Variants in TCF7L1 observed in about 807,000 individuals in gnomAD.
TCF7L1 encodes transcription factor 7-like 1.
In TCF7L1, 18 loss-of-function variants were observed where a neutral mutation model predicts 63.7. The ratio of observed to expected loss-of-function variants is 0.28; its 90% CI spans 0.20 to 0.42. The LOEUF is 0.42. TCF7L1 is among the 10% of genes least tolerant of loss of function. The pLI, the probability that TCF7L1 is intolerant of heterozygous loss-of-function variation, is 1.00. For synonymous variants in TCF7L1, 355 were observed against 340.9 expected, an observed-to-expected ratio of 1.04 and a Z score of -0.46; for missense variants, 654 against 779.3, an observed-to-expected ratio of 0.84 and a Z score of 1.91.
At chr2:85,197,692 G>A (rs1679189176) in intron 3 of TCF7L1, among the ~76,000 whole-genome samples, 2 of 152,304 alleles carry the variant, frequency 1.3e-5, no homozygotes, top group Admixed American at 1.3e-4. Context: ...CTGCCTTTTA[G>A]GATGCAGCAA....
chr2:85,262,278 C>T (rs909043577), intron 3 of TCF7L1: 10 of 556,792 alleles, frequency 1.8e-5, no homozygotes, highest in Non-Finnish European at 3.3e-5. Flanking sequence ...CGCATCTTCA[C>T]CTTCTGCACT....
intron 3 of TCF7L1, among the ~76,000 whole-genome samples, chr2:85,163,623 A>G (rs574788803): frequency 2.6e-5 from 4 of 152,316 alleles, no homozygotes; most frequent in Non-Finnish European, 5.9e-5. Context: ...CTGCCATAAC[A>G]AAGTACCGCA....
intron 3 of TCF7L1, among the ~76,000 whole-genome samples, chr2:85,160,014 C>G (rs1267837981): frequency 6.6e-6 from 1 of 152,212 alleles, no homozygotes. Flanking sequence ...TGTCCCATCT[C>G]CAGCCAGTGC....
intron 3 of TCF7L1, among the ~76,000 whole-genome samples, chr2:85,189,885 G>A (rs1252132611): frequency 2.0e-5 from 3 of 152,220 alleles, no homozygotes; most frequent in Admixed American, 6.5e-5. Flanking sequence ...CCCAGGGCCC[G>A]GGAGTGAGCC....
chr2:85,307,788 C>G lies in TCF7L1; in HGVS notation c.1333+71C>G, dbSNP rs150440821. ...ACAGCCACACCTGCCCATGCTGTCT[C>G]TAGCTCCCTGATGGGTCAGGGCTTC... On this transcript the variant is annotated intron_variant, in intron 11 of 11. Coordinates refer to ENST00000282111, the MANE Select transcript of TCF7L1 (RefSeq NM_031283.3). 41 of 1,417,866 alleles carry G rather than the reference C, an allele frequency of 2.9e-5. No individual in the cohort carries two copies. In the African/African-American group the frequency reaches 4.4e-4, roughly 15 times the overall value. The allele number at this position is 1,417,866 out of a possible 1,614,324, so 87.8% of individuals were successfully genotyped here.
At chr2:85,212,584 GAGGGAAGAGCCATGCTAGGC>G (rs1311851136) in intron 3 of TCF7L1, among the ~76,000 whole-genome samples, 11 of 152,208 alleles carry the variant, frequency 7.2e-5, no homozygotes, top group African/African-American at 2.4e-4. Flanking sequence ...TGAACTGCGA[GAGGGAAGAGCCATGCTAGGC>G]AGGGGGACAG....
chr2:85,210,991 G>A (rs370600228), intron 3 of TCF7L1, among the ~76,000 whole-genome samples: 13 of 152,294 alleles, frequency 8.5e-5, no homozygotes, highest in African/African-American at 3.1e-4. Context: ...AGCAAGATGG[G>A]TCTATCTCCC....
At chr2:85,272,867 C>T (rs1681183232) in intron 3 of TCF7L1, among the ~76,000 whole-genome samples, 2 of 152,206 alleles carry the variant, frequency 1.3e-5, no homozygotes, top group Admixed American at 1.3e-4. Context: ...GAACCTGCAG[C>T]CACAGGGCAG....
chr2:85,145,962 C>T (rs757185129), intron 3 of TCF7L1, among the ~76,000 whole-genome samples: 1 of 152,098 alleles, frequency 6.6e-6, no homozygotes, highest in East Asian at 1.9e-4. Context: ...CCTTCCACCT[C>T]GACCTCCCAA....
In TCF7L1 at chr2:85,134,489, C is replaced by T. The variant is rs1318684027; in HGVS notation, c.441+39C>T. 6.5e-7 allele frequency: 1 copy of T among 1,543,284 alleles called. No individual in the cohort carries two copies. The highest frequency in any genetic ancestry group is 2.5e-5 in the East Asian group (1 of 40,734). On this transcript the variant is annotated intron_variant, in intron 3 of 11. Coordinates refer to ENST00000282111, the MANE Select transcript of TCF7L1 (RefSeq NM_031283.3). The surrounding 1 kb of genome is among the most constrained non-coding windows in gnomAD (Gnocchi z 5.0). ...GGGCGCGCCGGGGAGGGTGGGAGGC[C>T]GCGGCCCGCAGGATGCGCCCCCGGG... is the stretch of plus-strand genomic sequence containing the variant.
At chr2:85,304,119 C>T in intron 6 of TCF7L1, 122 bp downstream of exon 6, 1 of 1,186,986 alleles carries the variant, frequency 8.4e-7, no homozygotes, top group Non-Finnish European at 1.2e-6. Context: ...GGCCTCCCTG[C>T]CCCCGCCCAG....
chr2:85,156,397 G>A (rs570903931), intron 3 of TCF7L1, among the ~76,000 whole-genome samples: 1 of 152,166 alleles, frequency 6.6e-6, no homozygotes, highest in Non-Finnish European at 1.5e-5. Context: ...TTTCCTCCAG[G>A]GTGCTCAAGG....
rs1296105562 is a variant in TCF7L1, at chr2:85,306,463, G to A, written c.1161G>A (p.Leu387=). The change falls in exon 10 of 12, where the codon CTG becomes CTA. Residue 387 remains leucine (L), a synonymous_variant. Transcript: ENST00000282111. This position sits in a 1 kb window ranked among gnomAD's most constrained non-coding sequence, Gnocchi z 4.3. ...NQILGRKWHN[L]SREEQAKYYE... is the part of the protein sequence containing the mutation. Reference sequence around the variant, plus strand: ...CCTCTCTCCCCCAGTGGCACAACCTGTCTCGAGAAGAACAGGCCAAGTACT... The same window carrying A: ...CCTCTCTCCCCCAGTGGCACAACCTATCTCGAGAAGAACAGGCCAAGTACT... The A allele has an allele frequency of 1.2e-6, 2 of 1,614,144 alleles. No individual in the cohort carries two copies. The highest frequency in any genetic ancestry group is 1.3e-5 in the African/African-American group (1 of 75,018).
intron 3 of TCF7L1, among the ~76,000 whole-genome samples, chr2:85,244,804 A>G (rs1239075891): frequency 1.3e-5 from 2 of 152,086 alleles, no homozygotes; most frequent in African/African-American, 4.8e-5. Flanking sequence ...ACTGAAGCTG[A>G]GAAAAAAAGA....
intron 4 of TCF7L1, among the ~76,000 whole-genome samples, chr2:85,299,689 A>C (rs1450752382): frequency 6.6e-6 from 1 of 151,890 alleles, no homozygotes; most frequent in Admixed American, 6.6e-5. Flanking sequence ...CAACATGGTG[A>C]AACCGCGTCT....
At chr2:85,148,222 G>A (rs949192061) in intron 3 of TCF7L1, among the ~76,000 whole-genome samples, 3 of 152,190 alleles carry the variant, frequency 2.0e-5, no homozygotes, top group Non-Finnish European at 4.4e-5. Flanking sequence ...AAGGGGCTGG[G>A]ATGGGGAGAG....
chr2:85,284,965 G>C (rs1681507385), intron 4 of TCF7L1, among the ~76,000 whole-genome samples: 1 of 152,192 alleles, frequency 6.6e-6, no homozygotes, highest in African/African-American at 2.4e-5. Flanking sequence ...TGGGCGCAGT[G>C]GCTCACGCCT....
chr2:85,271,883 A>G (rs1448233694), intron 3 of TCF7L1, among the ~76,000 whole-genome samples: 5 of 152,194 alleles, frequency 3.3e-5, no homozygotes, highest in African/African-American at 1.2e-4. Context: ...TGAAGGGTAG[A>G]CTGGAAGAGA....
In TCF7L1 at chr2:85,262,895, A is replaced by G. The variant is rs147842009; in HGVS notation, c.442-20600A>G. Among the ~76,000 whole-genome samples the G allele has an allele frequency of 1.0e-3, 159 of 152,352 alleles. 6 individuals are homozygous for G. The East Asian group carries it at 0.03, about 29-fold the overall frequency. On this transcript the variant is annotated intron_variant, in intron 3 of 11. Transcript: ENST00000282111. The stretch of plus-strand genomic sequence containing the variant: ...GGGTACTTGCTACTGCAGTGGCTTC[A>G]GATACCCTACCCCTACCCCAAACTT...
Sources: gnomAD v4.1 joint callset for allele counts (sites outside exome capture counted in the v4.1 genomes callset) on GRCh38, gnomAD v4.1.1 for gene constraint, Gnocchi (gnomAD v3.1) non-coding constraint, MANE v1.5 for transcripts, NCBI Gene and HGNC (gene_info 2026-07-23, HGNC 2026-07-21) for gene names.